The following CA10 variants were observed in gnomAD, a reference collection of about 807,000 sequenced individuals.
CA10 encodes the protein carbonic anhydrase-related protein 10.
In CA10, 14 loss-of-function variants were observed where a neutral mutation model predicts 44.2. The ratio of observed to expected loss-of-function variants is 0.32; its 90% CI spans 0.21 to 0.50. The LOEUF (loss-of-function observed/expected upper bound fraction) is 0.50. Among genes scored for constraint, CA10 ranks in the 20% least tolerant of loss-of-function variants. The probability of loss-of-function intolerance (pLI) is 0.99; values close to 1 mark genes in which losing one functional copy is unlikely to be tolerated. For missense variants in CA10, 350 were observed against 409.7 expected, an observed-to-expected ratio of 0.85 and a Z score of 1.26; for synonymous variants, 159 against 141.6, an observed-to-expected ratio of 1.12 and a Z score of -0.87.
chr17:51,757,509 GT>G (rs1905108593), intron 3 of CA10, among the ~76,000 whole-genome samples: 1 of 152,218 alleles, frequency 6.6e-6, no homozygotes, highest in African/African-American at 2.4e-5. Flanking sequence ...AACCCACTGA[GT>G]GTTTCTTGCT....
rs967409135 is a variant in CA10 at position 51,877,681 on chromosome 17, T to G, written c.279+53309A>C. ...AAGGTTCAAGGGGGTAGCATCACTG[T>G]ATTGGTGCAAACATCTCTAAATGAC... On this transcript the variant is annotated intron_variant, in intron 3 of 8. Coordinates refer to ENST00000451037, the MANE Select transcript of CA10 (RefSeq NM_020178.5). Among the ~76,000 whole-genome samples the G allele has an allele frequency of 2.0e-5, 3 of 152,180 alleles. No individual in the cohort carries two copies. The East Asian group carries it at 5.8e-4, about 29-fold the overall frequency.
intron 1 of CA10, among the ~76,000 whole-genome samples, chr17:52,112,409 T>C (rs1294637136): frequency 6.6e-6 from 1 of 152,218 alleles, no homozygotes; most frequent in Non-Finnish European, 1.5e-5. Context: ...TTCATTTACA[T>C]ATTGCCTATG....
chr17:51,635,646 T>A (rs1178993528), intron 7 of CA10, among the ~76,000 whole-genome samples: 1 of 152,216 alleles, frequency 6.6e-6, no homozygotes, highest in Non-Finnish European at 1.5e-5. Flanking sequence ...CACATTCCGC[T>A]GAAGGAAGCA....
chr17:51,907,494 G>A (rs1046720638), intron 3 of CA10, among the ~76,000 whole-genome samples: 1 of 151,758 alleles, frequency 6.6e-6, no homozygotes, highest in African/African-American at 2.4e-5. Context: ...ATATATCTAC[G>A]TACTTTATTG....
At chr17:51,897,919 T>A (rs533148670) in intron 3 of CA10, among the ~76,000 whole-genome samples, 1 of 152,298 alleles carries the variant, frequency 6.6e-6, no homozygotes, top group East Asian at 1.9e-4. Context: ...TGATTTTGTA[T>A]CATGAAACTC....
intron 6 of CA10, among the ~76,000 whole-genome samples, chr17:51,648,909 C>A (rs1023773662): frequency 9.2e-5 from 14 of 152,152 alleles, no homozygotes; most frequent in African/African-American, 3.1e-4. Context: ...CCAGCAGAGT[C>A]CCCTGGCTCA....
intron 2 of CA10, among the ~76,000 whole-genome samples, chr17:51,941,262 G>T (rs983443614): frequency 6.6e-6 from 1 of 152,070 alleles, no homozygotes; most frequent in African/African-American, 2.4e-5. Context: ...TCAATATTTT[G>T]CTTTCTGAGA....
At chr17:52,039,457 G>A (rs1468161717) in intron 2 of CA10, among the ~76,000 whole-genome samples, 2 of 152,038 alleles carry the variant, frequency 1.3e-5, no homozygotes, top group Admixed American at 1.3e-4. Flanking sequence ...TCTGAAACCA[G>A]CAGGAATCTC....
intron 3 of CA10, among the ~76,000 whole-genome samples, chr17:51,823,506 TCTC>T (rs1907895877): frequency 6.6e-6 from 1 of 152,190 alleles, no homozygotes; most frequent in African/African-American, 2.4e-5. Flanking sequence ...ATATCTGGGT[TCTC>T]CTCTGTTCTC....
chr17:51,723,523 G>A (rs774102463), intron 4 of CA10, among the ~76,000 whole-genome samples: 23 of 152,080 alleles, frequency 1.5e-4, no homozygotes, highest in African/African-American at 2.4e-4. Context: ...GAGTGCTCCC[G>A]CAGATATCAT....
At chr17:51,930,308 A>G (rs558357152) in intron 3 of CA10, among the ~76,000 whole-genome samples, 1 of 152,278 alleles carries the variant, frequency 6.6e-6, no homozygotes, top group Admixed American at 6.5e-5. Context: ...ACTCAACAGT[A>G]AAAGATAGCC....
chr17:52,116,768 T>A (rs927656896), intron 1 of CA10, among the ~76,000 whole-genome samples: 3 of 152,074 alleles, frequency 2.0e-5, no homozygotes, highest in Non-Finnish European at 4.4e-5. Context: ...AGGGTAAAAG[T>A]TTTTACCAGT....
At chr17:52,153,523 G>A (rs1041072662) in intron 1 of CA10, among the ~76,000 whole-genome samples, 2 of 152,030 alleles carry the variant, frequency 1.3e-5, no homozygotes, top group African/African-American at 2.4e-5. Context: ...ACTCCATATT[G>A]GACTCATAGG....
intron 3 of CA10, among the ~76,000 whole-genome samples, chr17:51,834,946 G>A (rs868244177): frequency 6.6e-5 from 10 of 152,136 alleles, no homozygotes; most frequent in Non-Finnish European, 1.0e-4. Context: ...GACAGACAAC[G>A]GTTCCCAGGA....
chr17:51,883,325 TA>T (rs372140401), intron 3 of CA10, among the ~76,000 whole-genome samples: 1 of 152,048 alleles, frequency 6.6e-6, no homozygotes, highest in Non-Finnish European at 1.5e-5. Context: ...CTTCCCAACT[TA>T]AAAAAAATCC....
At chr17:51,684,905 C>G (rs1395143750) in intron 4 of CA10, among the ~76,000 whole-genome samples, 3 of 152,098 alleles carry the variant, frequency 2.0e-5, no homozygotes, top group African/African-American at 7.2e-5. Flanking sequence ...AAAGAGATAC[C>G]TAGATGCCTG....
At chr17:51,729,343 G>T (rs75327136) in intron 4 of CA10, among the ~76,000 whole-genome samples, 3,801 of 151,234 alleles carry the variant, frequency 0.025, 138 homozygotes, top group African/African-American at 0.083. Context: ...ACTTTTTTGT[G>T]TGTGTGTGTG....
chr17:51,886,514 C>T (rs1261889664), intron 3 of CA10, among the ~76,000 whole-genome samples: 1 of 152,084 alleles, frequency 6.6e-6, no homozygotes, highest in Admixed American at 6.5e-5. Flanking sequence ...TATGAGAATA[C>T]TAATATTTAA....
At chr17:52,151,521 G>A (rs1567749685) in intron 1 of CA10, among the ~76,000 whole-genome samples, 1 of 151,922 alleles carries the variant, frequency 6.6e-6, no homozygotes, top group Admixed American at 6.6e-5. Flanking sequence ...TTTACAACAT[G>A]TACTCTCTTG....
Sources: gnomAD v4.1 joint callset for allele counts (sites outside exome capture counted in the v4.1 genomes callset) on GRCh38, gnomAD v4.1.1 for gene constraint, MANE v1.5 for transcripts, NCBI Gene and HGNC (gene_info 2026-07-23, HGNC 2026-07-21) for gene names.